IGSF3: variants seen among roughly 807,000 people sequenced by gnomAD.
IGSF3 encodes glu-Trp-Ile EWI motif-containing protein 3.
A neutral mutation model predicts 114.4 loss-of-function variants in IGSF3; 23 were observed. The observed-to-expected ratio is 0.20, with a 90% CI of 0.14 to 0.28. The LOEUF (loss-of-function observed/expected upper bound fraction) is 0.28. Ranked by LOEUF, IGSF3 falls within the 10% of genes least tolerant of loss-of-function variation. The pLI is 1.00. For missense variants in IGSF3, 1,172 were observed against 1,591.5 expected, an observed-to-expected ratio of 0.74 and a Z score of 4.48; for synonymous variants, 571 against 645.2, an observed-to-expected ratio of 0.88 and a Z score of 1.74.
chr1:116,634,828 C>G lies in IGSF3; in HGVS notation c.44-18371G>C, dbSNP rs774016128. 2.0e-5 allele frequency among the ~76,000 whole-genome samples: 3 copies of G among 152,110 alleles called. No homozygotes were observed. Among genetic ancestry groups the G allele is most frequent in the Admixed American group, 6.5e-5 (1 of 15,280 alleles). On this transcript the variant is annotated intron_variant, in intron 2 of 10. Coordinates refer to ENST00000369486, the MANE Select transcript of IGSF3 (RefSeq NM_001007237.3). This position sits in a 1 kb window ranked among gnomAD's most constrained non-coding sequence, Gnocchi z 4.2. The stretch of plus-strand genomic sequence containing the variant: ...AGGGAACGCAGCTTCTGCCAGCTCT[C>G]CTGGGACACACATTTGGAGCCTGAG...
At position 116,657,582 on chromosome 1, in the gene IGSF3, C is replaced by T. The variant is rs183447876; in HGVS notation, c.43+8702G>A. 3.7e-3 allele frequency among the ~76,000 whole-genome samples: 558 copies of T among 152,194 alleles called. 2 individuals are homozygous for T. Among genetic ancestry groups the T allele is most frequent in the Non-Finnish European group, 6.0e-3 (409 of 68,016 alleles). ...TGTGGGAAAAAAGGTTTAATTACTCCCTAATGGTCTGGGAAACCAAAGATT... is the reference window on the plus strand; with the variant it reads ...TGTGGGAAAAAAGGTTTAATTACTCTCTAATGGTCTGGGAAACCAAAGATT... On this transcript the variant is annotated intron_variant, in intron 2 of 10. Coordinates refer to ENST00000369486, the MANE Select transcript of IGSF3 (RefSeq NM_001007237.3). This position sits in a 1 kb window ranked among gnomAD's most constrained non-coding sequence, Gnocchi z 4.2.
chr1:116,589,562 C>T lies in IGSF3; in HGVS notation c.2030-458G>A, dbSNP rs566785495. ...CTCAGGCACCCTCCACAGGCGCATG[C>T]CCCTGGTGCAGTTTCCCTGAGCCCT... On this transcript the variant is annotated intron_variant, in intron 7 of 10. Coordinates refer to ENST00000369486, the MANE Select transcript of IGSF3 (RefSeq NM_001007237.3). The surrounding 1 kb of genome is among the most constrained non-coding windows in gnomAD (Gnocchi z 5.7). Among the ~76,000 whole-genome samples, 4 of 152,116 alleles carry T rather than the reference C, an allele frequency of 2.6e-5. No homozygotes were observed. Among genetic ancestry groups the T allele is most frequent in the African/African-American group, 9.7e-5 (4 of 41,422 alleles).
rs1303001721 is a variant in IGSF3, at chr1:116,577,628, T to C, written c.3335-66A>G. The C allele has an allele frequency of 5.9e-6, 9 of 1,537,584 alleles. No individual in the cohort carries two copies. The highest frequency in any genetic ancestry group is 1.4e-5 in the African/African-American group (1 of 73,532). ...GAACCTGGACTGCTCACATTTCCTT[T>C]TGAAGACCTCACCTGACCCAGTGGA... On this transcript the variant is annotated intron_variant, in intron 10 of 10. Transcript: ENST00000369486. The surrounding 1 kb of genome is among the most constrained non-coding windows in gnomAD (Gnocchi z 5.7).
At chr1:116,635,658 A>G (rs559757208) in intron 2 of IGSF3, among the ~76,000 whole-genome samples, 2 of 152,258 alleles carry the variant, frequency 1.3e-5, no homozygotes, top group Non-Finnish European at 2.9e-5. Flanking sequence ...GTCATCTTCA[A>G]ACATTGTAAT....
chr1:116,595,621 A>G lies in IGSF3; in HGVS notation c.2029+4320T>C, dbSNP rs1408680995. Among the ~76,000 whole-genome samples the G allele has an allele frequency of 6.6e-6, 1 of 152,252 alleles. No homozygotes were observed. The highest frequency in any genetic ancestry group is 1.5e-5 in the Non-Finnish European group (1 of 68,046). On this transcript the variant is annotated intron_variant, in intron 7 of 10. Transcript: ENST00000369486. The surrounding 1 kb of genome is among the most constrained non-coding windows in gnomAD (Gnocchi z 4.2). ...AAATCCCAGCAGAATACACCCTCTGACAAGTCGGCTTTCCACCACTAGAGG... is the reference window on the plus strand; with the variant it reads ...AAATCCCAGCAGAATACACCCTCTGGCAAGTCGGCTTTCCACCACTAGAGG...
chr1:116,588,761 G>A lies in IGSF3; in HGVS notation c.2373C>T (p.Pro791=). The A allele has an allele frequency of 1.2e-6, 2 of 1,614,058 alleles. No individual in the cohort carries two copies. The highest frequency in any genetic ancestry group is 1.7e-6 in the Non-Finnish European group (2 of 1,179,978). ...CTGCCAGCTTGTACCAGGCGTAGTT[G>A]GGGCTCAGCAGCCACTCCTCCACGT... is the stretch of plus-strand genomic sequence containing the variant. ...YCHVEEWLLS[P]NYAWYKLAEE... The change falls in exon 8 of 11, where the codon CCC becomes CCT. Residue 791 remains proline (P), a synonymous_variant. Coordinates refer to ENST00000369486, the MANE Select transcript of IGSF3 (RefSeq NM_001007237.3). The surrounding 1 kb of genome is among the most constrained non-coding windows in gnomAD (Gnocchi z 4.9).
rs1557883534 is a variant in IGSF3, at chr1:116,644,926, G to T, written c.43+21358C>A. On this transcript the variant is annotated intron_variant, in intron 2 of 10. Transcript: ENST00000369486. The surrounding 1 kb of genome is among the most constrained non-coding windows in gnomAD (Gnocchi z 5.6). Reference sequence around the variant, plus strand: ...GTCCCCTTCATACATGGCTGGTGGGGAGGTAGGATGGTGCAGCCACTTTGG... The same window carrying T: ...GTCCCCTTCATACATGGCTGGTGGGTAGGTAGGATGGTGCAGCCACTTTGG... Among the ~76,000 whole-genome samples, 1 of 152,198 alleles carries T rather than the reference G, an allele frequency of 6.6e-6. No individual in the cohort carries two copies. Among genetic ancestry groups the T allele is most frequent in the Non-Finnish European group, 1.5e-5 (1 of 68,034 alleles).
rs557952880 is a variant in IGSF3 at position 116,583,741 on chromosome 1, A to G, written c.2848+904T>C. On this transcript the variant is annotated intron_variant, in intron 9 of 10. Coordinates refer to ENST00000369486, the MANE Select transcript of IGSF3 (RefSeq NM_001007237.3). The surrounding 1 kb of genome is among the most constrained non-coding windows in gnomAD (Gnocchi z 4.5). ...GAATGGATGATGCTGTGATGTTGCA[A>G]AGGACATGGGAATCCTGCACATCGT... is the stretch of plus-strand genomic sequence containing the variant. 6.6e-5 allele frequency among the ~76,000 whole-genome samples: 10 copies of G among 152,350 alleles called. 1 individual carries two copies. The East Asian group carries it at 1.7e-3, about 26-fold the overall frequency.
At chr1:116,653,582 G>T (rs903684513) in intron 2 of IGSF3, among the ~76,000 whole-genome samples, 7 of 152,144 alleles carry the variant, frequency 4.6e-5, no homozygotes, top group South Asian at 2.1e-4. Flanking sequence ...CAAAGATGAC[G>T]TGCATCAGAG....
intron 2 of IGSF3, among the ~76,000 whole-genome samples, chr1:116,635,766 T>C (rs1374769278): frequency 6.6e-6 from 1 of 152,162 alleles, no homozygotes; most frequent in East Asian, 1.9e-4. Flanking sequence ...CAAGGCAAAC[T>C]CATAAAGCAT....
In IGSF3 at chr1:116,613,783, C is replaced by T. The variant is rs767852556; in HGVS notation, c.814G>A (p.Val272Ile). The T allele has an allele frequency of 9.9e-6, 16 of 1,613,582 alleles. No individual in the cohort carries two copies. Among genetic ancestry groups the T allele is most frequent in the Non-Finnish European group, 1.1e-5 (13 of 1,179,622 alleles). ...GACTGACCAGTTGGCTGGACGTTGA[C>T]CACGGCTCCCTCGGAACGCTTTCGG... ...MTRKRSEGAV[V>I]NVQPTDKEFT... The change falls in exon 4 of 11, where the codon GTC (valine) becomes ATC (isoleucine). Residue 272 changes from valine (V) to isoleucine (I), a missense_variant. By Grantham distance (29) the Val-to-Ile change is conservative. Around this residue, in one of 3 missense-constraint regions of IGSF3, gnomAD observed 736 missense variants for 1,042.0 expected, o/e 0.71. Coordinates refer to ENST00000369486, the MANE Select transcript of IGSF3 (RefSeq NM_001007237.3).
intron 7 of IGSF3, among the ~76,000 whole-genome samples, chr1:116,599,068 C>T (rs1327264966): frequency 3.3e-5 from 5 of 152,074 alleles, no homozygotes; most frequent in African/African-American, 9.7e-5. Context: ...GAAAGACAAC[C>T]GGGGTTCAAA....
Position 116,655,434 on chromosome 1 carries a change from C to G in IGSF3, c.43+10850G>C, listed in dbSNP as rs991083400. Among the ~76,000 whole-genome samples the G allele has an allele frequency of 3.3e-5, 5 of 152,250 alleles. No individual in the cohort carries two copies. The highest frequency in any genetic ancestry group is 1.2e-4 in the African/African-American group (5 of 41,470). ...GTCTAAAGGTGAGCCATCCAAGAAA[C>G]TGCTCTTGCTCCCAGAGGTTTTAAA... On this transcript the variant is annotated intron_variant, in intron 2 of 10. Coordinates refer to ENST00000369486, the MANE Select transcript of IGSF3 (RefSeq NM_001007237.3). The surrounding 1 kb of genome is among the most constrained non-coding windows in gnomAD (Gnocchi z 4.3).
chr1:116,596,595 G>A lies in IGSF3; in HGVS notation c.2029+3346C>T, dbSNP rs1449192126. On this transcript the variant is annotated intron_variant, in intron 7 of 10. Coordinates refer to ENST00000369486, the MANE Select transcript of IGSF3 (RefSeq NM_001007237.3). The surrounding 1 kb of genome is among the most constrained non-coding windows in gnomAD (Gnocchi z 4.1). ...AAACAAATTTAAGGATTTGCTAAAG[G>A]GGATTAGGAAATCAGGGGTGGTTAA... Among the ~76,000 whole-genome samples, 2 of 152,192 alleles carry A rather than the reference G, an allele frequency of 1.3e-5. No homozygotes were observed. The highest frequency in any genetic ancestry group is 2.4e-5 in the African/African-American group (1 of 41,434).
Position 116,579,534 on chromosome 1 carries a change from C to G in IGSF3, c.3192G>C (p.Arg1064=), listed in dbSNP as rs747492861. ...GGGGGCTTGCCTGCAGCACTGTGAG[C>G]CGGTAGAGCACCGGGGAGAGCCTCT... ...RFQRLSPVLY[R]LTVLQASPQD... is the part of the protein sequence containing the mutation. The change falls in exon 10 of 11, where the codon CGG becomes CGC. Residue 1064 remains arginine (R), a synonymous_variant. Coordinates refer to ENST00000369486, the MANE Select transcript of IGSF3 (RefSeq NM_001007237.3). The surrounding 1 kb of genome is among the most constrained non-coding windows in gnomAD (Gnocchi z 6.4). 1.9e-6 allele frequency: 3 copies of G among 1,614,184 alleles called. No individual in the cohort carries two copies. The highest frequency in any genetic ancestry group is 2.5e-6 in the Non-Finnish European group (3 of 1,180,054).
chr1:116,616,383 T>G lies in IGSF3; in HGVS notation c.118A>C (p.Ile40Leu), dbSNP rs546662723. The G allele has an allele frequency of 5.6e-6, 9 of 1,611,238 alleles. No individual in the cohort carries two copies. The highest frequency in any genetic ancestry group is 1.1e-5 in the South Asian group (1 of 90,974). The part of the protein sequence containing the change: ...LYRTEGSHIT[I>L]WCNVSGYQGP... ...TGGTAGCCACTCACATTGCACCAGA[T>G]AGTGATGTGGGAGCCCTCCGTGCGG... Residue 40 changes from isoleucine (I) to leucine (L), a missense_variant, in exon 3 of 11, where the codon ATC becomes CTC. This residue lies in a region of IGSF3 where 736 missense variants were observed against 1,042.0 expected (regional missense o/e 0.71). Transcript: ENST00000369486. This position sits in a 1 kb window ranked among gnomAD's most constrained non-coding sequence, Gnocchi z 6.6.
intron 6 of IGSF3, among the ~76,000 whole-genome samples, chr1:116,602,618 A>T (rs1487898835): frequency 6.6e-6 from 1 of 152,262 alleles, no homozygotes; most frequent in Non-Finnish European, 1.5e-5. Flanking sequence ...GACTCTGTTA[A>T]GGACAAAAAC....
intron 4 of IGSF3, among the ~76,000 whole-genome samples, chr1:116,611,616 A>G (rs1661025933): frequency 6.6e-6 from 1 of 151,884 alleles, no homozygotes; most frequent in Non-Finnish European, 1.5e-5. Context: ...CTTGGCAAAC[A>G]TATCAAACAC....
chr1:116,599,307 T>C (rs1228539759), intron 7 of IGSF3, among the ~76,000 whole-genome samples: 4 of 151,942 alleles, frequency 2.6e-5, no homozygotes, highest in Admixed American at 1.3e-4. Context: ...TTATAGGAGA[T>C]GAGGTTAAGT....
Sources: allele counts gnomAD v4.1 joint callset (sites outside exome capture counted in the v4.1 genomes callset), GRCh38; gene constraint gnomAD v4.1.1; regional missense constraint gnomAD v4.1.1; non-coding constraint Gnocchi (gnomAD v3.1); transcripts MANE v1.5; gene names NCBI Gene and HGNC (gene_info 2026-07-23, HGNC 2026-07-21).